Variants in SCN1B observed in about 807,000 individuals in gnomAD.
SCN1B encodes the protein sodium channel regulatory subunit beta-1.
SCN1B carries 11 observed loss-of-function variants against 25.7 expected under a neutral mutation model. That is an observed-to-expected ratio of 0.43 (90% CI 0.27 to 0.71). The LOEUF (loss-of-function observed/expected upper bound fraction) is 0.71, where lower values mean the gene tolerates loss of function less well. Ranked by LOEUF, SCN1B falls within the 30% of genes least tolerant of loss-of-function variation. SCN1B has a pLI of 0.21. For synonymous variants in SCN1B, 119 were observed against 117.5 expected (o/e 1.01, Z -0.08); for missense variants, 224 against 291.5 (o/e 0.77, Z 1.69).
intron 3 of SCN1B, chr19:35,034,451 C>G (rs1208667696): frequency 6.5e-5 from 19 of 292,152 alleles, no homozygotes; most frequent in Non-Finnish European, 9.1e-5. Flanking sequence ...AACGTCTCAT[C>G]ATTTTGCCTC....
In SCN1B at chr19:35,039,253, G is replaced by A. The variant is rs753271148; in HGVS notation, c.585G>A (p.Glu195=). 9.9e-6 allele frequency: 16 copies of A among 1,613,134 alleles called. No homozygotes were observed. The highest frequency in any genetic ancestry group is 1.7e-5 in the Admixed American group (1 of 60,032). The change falls in exon 4 of 6, where the codon GAG becomes GAA. Residue 195 remains glutamate (E), a synonymous_variant. Transcript: ENST00000262631. ...IAAATETAAQ[E]NASEYLAITS... is the part of the protein sequence containing the mutation. ...CCGCCACGGAGACTGCTGCACAGGA[G>A]AATGCGTGAGTAGGGTGGCTGGGAG...
Position 35,032,744 on chromosome 19 carries a change from G to A in SCN1B, c.207+50G>A, listed in dbSNP as rs2064222564. 1 of 1,594,916 alleles carries A rather than the reference G, an allele frequency of 6.3e-7. No homozygotes were observed. ...TGGGAGGGCAGGGGTCCACGAGTGG[G>A]AGGCGGTGGGGCTGGATCTCAGGGA... On this transcript the variant is annotated intron_variant, in intron 2 of 5. Transcript: ENST00000262631. This position sits in a 1 kb window ranked among gnomAD's most constrained non-coding sequence, Gnocchi z 4.3.
Position 35,039,871 on chromosome 19 carries a change from G to T in SCN1B, c.*80G>T. On this transcript the variant is annotated 3_prime_UTR_variant, in exon 6 of 6. Transcript: ENST00000262631. ...GGCACCGCCTGCCCCCAGCGTGGGG[G>T]TGGCCACTCCTGGGCCCCAGAAAGC... 2 of 712,950 alleles carry T rather than the reference G, an allele frequency of 2.8e-6. No individual in the cohort carries two copies. Among genetic ancestry groups the T allele is most frequent in the South Asian group, 3.5e-5 (2 of 57,474 alleles). The allele number at this position is 712,950 out of a possible 1,614,324, so 44.2% of individuals were successfully genotyped here.
chr19:35,033,269 A>T (rs1483574205), intron 2 of SCN1B, among the ~76,000 whole-genome samples: 1 of 151,852 alleles, frequency 6.6e-6, no homozygotes, highest in Non-Finnish European at 1.5e-5. Flanking sequence ...TGACTGAGGA[A>T]CGTGTGTGTG....
chr19:35,034,574 A>C (rs997722669), intron 3 of SCN1B: 2 of 177,368 alleles, frequency 1.1e-5, no homozygotes, highest in African/African-American at 2.4e-5. Context: ...AGAGTTGGGG[A>C]AACAGCCCAG....
chr19:35,033,776 A>G (rs1459474077), intron 3 of SCN1B, 37 bp downstream of exon 3: 1 of 1,613,482 alleles, frequency 6.2e-7, no homozygotes, highest in Non-Finnish European at 8.5e-7. Context: ...ACCGTCACCC[A>G]CCGGAGAGCC....
intron 3 of SCN1B, 81 bp downstream of exon 3, chr19:35,033,820 A>T: frequency 6.2e-7 from 1 of 1,613,088 alleles, no homozygotes; most frequent in Non-Finnish European, 8.5e-7. Context: ...AGTGGACAGG[A>T]CAGGCTGGCT....
rs1049710935 is a variant in SCN1B at position 35,032,118 on chromosome 19, C to A, written c.41-410C>A. Among the ~76,000 whole-genome samples, 2 of 152,166 alleles carry A rather than the reference C, an allele frequency of 1.3e-5. No homozygotes were observed. The highest frequency in any genetic ancestry group is 2.9e-5 in the Non-Finnish European group (2 of 68,026). ...ATTTAATGGTGAAAATGACTGCCAC[C>A]TTAAACTTCTAACTTAGCTGGAATT... is the stretch of plus-strand genomic sequence containing the variant. On this transcript the variant is annotated intron_variant, in intron 1 of 5. Coordinates refer to ENST00000262631, the MANE Select transcript of SCN1B (RefSeq NM_001037.5). This position sits in a 1 kb window ranked among gnomAD's most constrained non-coding sequence, Gnocchi z 4.3.
In SCN1B at chr19:35,030,854, G is replaced by A; in HGVS notation, c.34G>A (p.Ala12Thr). 2 of 916,900 alleles carry A rather than the reference G, an allele frequency of 2.2e-6. No individual in the cohort carries two copies. Among genetic ancestry groups the A allele is most frequent in the Non-Finnish European group, 2.7e-6 (2 of 734,506 alleles). 56.8% of individuals were successfully genotyped at this position (916,900 alleles called of 1,614,324 possible). A position where few individuals can be genotyped will look rare whatever the true frequency, so the allele number is the denominator to read the frequency against. The change falls in exon 1 of 6, where the codon GCA (alanine) becomes ACA (threonine). Residue 12 changes from alanine to threonine, a missense_variant. Transcript: ENST00000262631. ...GRLLALVVGA[A>T]LVSSACGGCV... ...GCTGCTGGCCTTAGTGGTCGGCGCG[G>A]CACTGGGTGAGTGCGCGGGGGGCGC...
In SCN1B at chr19:35,039,948, G is replaced by A. The variant is rs2064276178; in HGVS notation, c.*157G>A. Reference sequence around the variant, plus strand: ...GGGGTGGGAGGGGGCAGGGGGCTTGGCTCGCACCCCCACTTTCGCCTCCTC... The same window carrying A: ...GGGGTGGGAGGGGGCAGGGGGCTTGACTCGCACCCCCACTTTCGCCTCCTC... On this transcript the variant is annotated 3_prime_UTR_variant, in exon 6 of 6. Coordinates refer to ENST00000262631, the MANE Select transcript of SCN1B (RefSeq NM_001037.5). 3.5e-6 allele frequency: 2 copies of A among 578,758 alleles called. No individual in the cohort carries two copies. The highest frequency in any genetic ancestry group is 6.2e-6 in the Non-Finnish European group (2 of 324,160). The allele number at this position is 578,758 out of a possible 1,614,324, so 35.9% of individuals were successfully genotyped here. A position where few individuals can be genotyped will look rare whatever the true frequency, so the allele number is the denominator to read the frequency against.
At position 35,032,549 on chromosome 19, in the gene SCN1B, G is replaced by A; in HGVS notation, c.62G>A (p.Cys21Tyr). 6.2e-7 allele frequency: 1 copy of A among 1,613,998 alleles called. No homozygotes were observed. The highest frequency in any genetic ancestry group is 8.5e-7 in the Non-Finnish European group (1 of 1,180,048). Residue 21 changes from cysteine to tyrosine, a missense_variant, in exon 2 of 6, where the codon TGC becomes TAC. Coordinates refer to ENST00000262631, the MANE Select transcript of SCN1B (RefSeq NM_001037.5). This position sits in a 1 kb window ranked among gnomAD's most constrained non-coding sequence, Gnocchi z 4.3. The stretch of plus-strand genomic sequence containing the variant: ...ACAGTGTCCTCAGCCTGCGGGGGCT[G>A]CGTGGAGGTGGACTCGGAGACCGAG... ...AALVSSACGG[C>Y]VEVDSETEAV...
At chr19:35,031,428 CAGA>C (rs2151745603) in intron 1 of SCN1B, 1 of 152,042 alleles carries the variant, frequency 6.6e-6, no homozygotes, top group African/African-American at 2.4e-5. Context: ...TTGAGAAAGG[CAGA>C]AGGAGATGGA....
Position 35,032,824 on chromosome 19 carries a change from G to A in SCN1B, c.207+130G>A. The A allele has an allele frequency of 8.7e-7, 1 of 1,147,652 alleles. No individual in the cohort carries two copies. The highest frequency in any genetic ancestry group is 1.3e-6 in the Non-Finnish European group (1 of 796,938). 71.1% of individuals were successfully genotyped at this position (1,147,652 alleles called of 1,614,324 possible). A position where few individuals can be genotyped will look rare whatever the true frequency, so the allele number is the denominator to read the frequency against. ...GATTGCTGACCTGGATTCAGATTCTGGCTCCACCAGTGGCCAGCTGGTGAC... is the reference window on the plus strand; with the variant it reads ...GATTGCTGACCTGGATTCAGATTCTAGCTCCACCAGTGGCCAGCTGGTGAC... On this transcript the variant is annotated intron_variant, in intron 2 of 5. Transcript: ENST00000262631. This position sits in a 1 kb window ranked among gnomAD's most constrained non-coding sequence, Gnocchi z 4.3.
chr19:35,030,767 C>A lies in SCN1B; in HGVS notation c.-54C>A. ...GCCGCCAGGTCCCGCCGCCTCTCGC[C>A]CCGCTATTAATACCGGCGGCCCGGG... On this transcript the variant is annotated 5_prime_UTR_variant, in exon 1 of 6. Coordinates refer to ENST00000262631, the MANE Select transcript of SCN1B (RefSeq NM_001037.5). 1.5e-6 allele frequency: 1 copy of A among 667,596 alleles called. No homozygotes were observed. The highest frequency in any genetic ancestry group is 2.2e-6 in the Non-Finnish European group (1 of 453,032). 41.4% of individuals were successfully genotyped at this position (667,596 alleles called of 1,614,324 possible). A position where few individuals can be genotyped will look rare whatever the true frequency, so the allele number is the denominator to read the frequency against.
At position 35,033,634 on chromosome 19, in the gene SCN1B, C is replaced by T. The variant is rs2064228740; in HGVS notation, c.343C>T (p.His115Tyr). 6.2e-7 allele frequency: 1 copy of T among 1,614,072 alleles called. No homozygotes were observed. The highest frequency in any genetic ancestry group is 1.3e-5 in the African/African-American group (1 of 74,912). The change falls in exon 3 of 6, where the codon CAC (histidine) becomes TAC (tyrosine). Residue 115 changes from histidine to tyrosine, a missense_variant. Physicochemically the swap from His to Tyr is moderately conservative, Grantham distance 83 (BLOSUM62 2). This residue lies in a region of SCN1B where 126 missense variants were observed against 204.9 expected (regional missense o/e 0.61). Transcript: ENST00000262631. ...CTTCATCACCAATGTCACCTACAAC[C>T]ACTCGGGCGACTACGAGTGCCACGT... is the stretch of plus-strand genomic sequence containing the variant. ...SIFITNVTYN[H>Y]SGDYECHVYR...
At chr19:35,033,998 G>A (rs372552524) in intron 3 of SCN1B, 1 of 1,550,266 alleles carries the variant, frequency 6.5e-7, no homozygotes, top group Non-Finnish European at 8.7e-7. Context: ...TGTCACCTGT[G>A]CTGTATGACC....
At chr19:35,033,444 G>A in intron 2 of SCN1B, 55 bp from the exon 3 acceptor site, 1 of 1,610,620 alleles carries the variant, frequency 6.2e-7, no homozygotes, top group Non-Finnish European at 8.5e-7. Context: ...ATCAGGGTCA[G>A]GTAAGGGAAG....
Position 35,032,387 on chromosome 19 carries a change from G to T in SCN1B, c.41-141G>T, listed in dbSNP as rs1053593283. ...GGGATGAATGACTTGCTGAGGTCAC[G>T]CAGTGAGTGACAGGGCTCAGCCTAG... On this transcript the variant is annotated intron_variant, in intron 1 of 5. Transcript: ENST00000262631. This position sits in a 1 kb window ranked among gnomAD's most constrained non-coding sequence, Gnocchi z 4.3. 3.4e-6 allele frequency: 3 copies of T among 881,236 alleles called. No individual in the cohort carries two copies. The highest frequency in any genetic ancestry group is 1.6e-5 in the African/African-American group (1 of 60,880). 54.6% of individuals were successfully genotyped at this position (881,236 alleles called of 1,614,324 possible).
chr19:35,033,865 G>A, intron 3 of SCN1B, 126 bp downstream of exon 3: 2 of 1,609,182 alleles, frequency 1.2e-6, no homozygotes, highest in Non-Finnish European at 1.7e-6. Context: ...ACAGCAGCGG[G>A]CTGAGGGGGA....
Sources: allele counts gnomAD v4.1 joint callset (sites outside exome capture counted in the v4.1 genomes callset), GRCh38; gene constraint gnomAD v4.1.1; regional missense constraint gnomAD v4.1.1; non-coding constraint Gnocchi (gnomAD v3.1); transcripts MANE v1.5; gene names NCBI Gene and HGNC (gene_info 2026-07-23, HGNC 2026-07-21).